Variants in ATM observed in about 807,000 individuals in gnomAD.
The protein encoded by ATM is serine-protein kinase ATM.
ATM carries 308 observed loss-of-function variants against 387.0 expected under a neutral mutation model. The ratio of observed to expected loss-of-function variants is 0.80; its 90% CI spans 0.73 to 0.87. ATM has a LOEUF of 0.87. ATM is among the 40% of genes least tolerant of loss of function. The pLI, the probability that ATM is intolerant of heterozygous loss-of-function variation, is 0.00. For synonymous variants in ATM, 1,156 were observed against 1,187.3 expected (o/e 0.97, Z 0.54); for missense variants, 3,312 against 3,560.9 (o/e 0.93, Z 1.78).
intron 5 of ATM, among the ~76,000 whole-genome samples, chr11:108,240,680 T>G (rs1018288202): frequency 8.1e-6 from 1 of 122,714 alleles, no homozygotes; most frequent in African/African-American, 3.2e-5. Flanking sequence ...GGATAAAACA[T>G]GGTACACCTG....
rs876660650 is a variant in ATM at position 108,325,349 on chromosome 11, G to A, written c.6612G>A (p.Lys2204=). 2 of 1,601,492 alleles carry A rather than the reference G, an allele frequency of 1.2e-6. No individual in the cohort carries two copies. The highest frequency in any genetic ancestry group is 1.1e-5 in the South Asian group (1 of 90,676). The part of the protein sequence containing the change: ...THRQLSEVYI[K]WQKHSQLLKD... ...GACAACTCTCTGAAGTATATATTAAGTGGCAGAAACACTCCCAGCTTCTCA... is the reference window on the plus strand; with the variant it reads ...GACAACTCTCTGAAGTATATATTAAATGGCAGAAACACTCCCAGCTTCTCA... Residue 2204 remains lysine, a synonymous_variant, in exon 46 of 63, where the codon AAG becomes AAA. Coordinates refer to ENST00000675843, the MANE Select transcript of ATM (RefSeq NM_000051.4).
At chr11:108,332,132 C>T (rs182757480) in intron 52 of ATM, 95 bp downstream of exon 52, 1 of 1,499,796 alleles carries the variant, frequency 6.7e-7, no homozygotes, top group Admixed American at 1.9e-5. Context: ...AAGATGCCAT[C>T]TAAAATCGGT....
intron 56 of ATM, among the ~76,000 whole-genome samples, chr11:108,338,822 G>A (rs1399389630): frequency 6.6e-6 from 1 of 152,196 alleles, no homozygotes; most frequent in African/African-American, 2.4e-5. Flanking sequence ...CCAAGAATGT[G>A]AAAGTTGTGT....
At chr11:108,292,409 A>G (rs928107297) in intron 29 of ATM, among the ~76,000 whole-genome samples, 1 of 152,150 alleles carries the variant, frequency 6.6e-6, no homozygotes, top group African/African-American at 2.4e-5. Context: ...CTGTTTTTCA[A>G]TGTTTCTATT....
At chr11:108,240,919 C>T (rs998591175) in intron 5 of ATM, among the ~76,000 whole-genome samples, 7 of 152,134 alleles carry the variant, frequency 4.6e-5, no homozygotes, top group African/African-American at 1.7e-4. Flanking sequence ...AACTTTTTGA[C>T]TCTTTTGTAA....
chr11:108,239,660 G>A (rs1289228666), intron 5 of ATM, among the ~76,000 whole-genome samples: 1 of 152,134 alleles, frequency 6.6e-6, no homozygotes, highest in African/African-American at 2.4e-5. Context: ...ATACCCAGAA[G>A]TAGAATTGCT....
chr11:108,243,978 C>G lies in ATM; in HGVS notation c.522C>G (p.Leu174=), dbSNP rs780173724. ...WLELFSVYFR[L]YLKPSQDVHR... is the part of the protein sequence containing the mutation. ...AATTGTTCTCTGTGTACTTCAGGCT[C>G]TATCTGAAACCTTCACAAGATGTTC... Residue 174 remains leucine (L), a synonymous_variant, in exon 6 of 63, where the codon CTC becomes CTG. Transcript: ENST00000675843. 5 of 1,601,486 alleles carry G rather than the reference C, an allele frequency of 3.1e-6. No homozygotes were observed. Among genetic ancestry groups the G allele is most frequent in the African/African-American group, 1.4e-5 (1 of 73,922 alleles).
rs1555135878 is a variant in ATM, at chr11:108,343,368, G to C, written c.8415G>C (p.Met2805Ile). 6.2e-7 allele frequency: 1 copy of C among 1,613,778 alleles called. No homozygotes were observed. Among genetic ancestry groups the C allele is most frequent in the Non-Finnish European group, 8.5e-7 (1 of 1,179,792 alleles). Reference sequence around the variant, plus strand: ...GTGCCTTTCAGTGCCAAAAGAAAATGATGGTGAGTGACACCCAAAATTAAA... The same window carrying C: ...GTGCCTTTCAGTGCCAAAAGAAAATCATGGTGAGTGACACCCAAAATTAAA... ...DFSAFQCQKK[M>I]MEVQKKSFEE... The change falls in exon 57 of 63, where the codon ATG (methionine) becomes ATC (isoleucine). Residue 2805 changes from methionine (M) to isoleucine (I), a missense_variant. Coordinates refer to ENST00000675843, the MANE Select transcript of ATM (RefSeq NM_000051.4).
intron 43 of ATM, among the ~76,000 whole-genome samples, chr11:108,319,402 A>C (rs544319384): frequency 6.6e-6 from 1 of 152,218 alleles, no homozygotes; most frequent in South Asian, 2.1e-4. Context: ...CAAGGGCCTT[A>C]GATGTATCTT....
At chr11:108,227,563 CA>C in intron 1 of ATM, 31 bp from the exon 2 acceptor site, 1 of 1,273,352 alleles carries the variant, frequency 7.9e-7, no homozygotes, top group East Asian at 2.3e-5. Context: ...TATACATATA[CA>C]TATATATACC....
At chr11:108,336,929 T>C (rs1439988153) in intron 56 of ATM, among the ~76,000 whole-genome samples, 1 of 152,232 alleles carries the variant, frequency 6.6e-6, no homozygotes, top group African/African-American at 2.4e-5. Context: ...TCTTTTGTGA[T>C]TTCATTCCTG....
intron 38 of ATM, chr11:108,308,942 GT>G (rs892462132): frequency 1.5e-4 from 206 of 1,384,444 alleles, no homozygotes; most frequent in Non-Finnish European, 1.9e-4. Flanking sequence ...TTGGGAGGCA[GT>G]TTTACCTTTG....
intron 9 of ATM, among the ~76,000 whole-genome samples, chr11:108,250,442 T>A (rs143508429): frequency 6.6e-6 from 1 of 152,098 alleles, no homozygotes; most frequent in African/African-American, 2.4e-5. Flanking sequence ...GCCCAAATAT[T>A]GCTAATTTAA....
chr11:108,329,306 A>C (rs891917120), intron 49 of ATM, 68 bp downstream of exon 49: 14 of 1,382,684 alleles, frequency 1.0e-5, no homozygotes, highest in African/African-American at 1.5e-5. Context: ...TTTGCATAGA[A>C]AGAGTGACTT....
intron 4 of ATM, among the ~76,000 whole-genome samples, chr11:108,231,922 A>G (rs1056296834): frequency 1.3e-5 from 2 of 152,188 alleles, no homozygotes; most frequent in African/African-American, 4.8e-5. Context: ...ACTACACCAA[A>G]ATATTCTGCA....
chr11:108,228,469 A>G (rs955526401), intron 3 of ATM, among the ~76,000 whole-genome samples: 3 of 152,248 alleles, frequency 2.0e-5, no homozygotes, highest in Non-Finnish European at 4.4e-5. Flanking sequence ...ATTAGGAAAG[A>G]TGAATAAAGT....
At chr11:108,350,368 T>C (rs1482468419) in intron 59 of ATM, among the ~76,000 whole-genome samples, 1 of 152,078 alleles carries the variant, frequency 6.6e-6, no homozygotes. Flanking sequence ...AAACTAGAAA[T>C]CTCAGTCAAA....
At chr11:108,254,144 C>T in intron 13 of ATM, 105 bp downstream of exon 13, 1 of 1,119,268 alleles carries the variant, frequency 8.9e-7, no homozygotes, top group Non-Finnish European at 1.3e-6. Context: ...TGGTGGGAGG[C>T]TTCATTTTAA....
At chr11:108,363,155 G>A (rs1285455194) in intron 61 of ATM, among the ~76,000 whole-genome samples, 1 of 152,092 alleles carries the variant, frequency 6.6e-6, no homozygotes, top group East Asian at 1.9e-4. Flanking sequence ...TCTGCCTTCA[G>A]CTTTAGGAGG....
Sources: allele counts gnomAD v4.1 joint callset (sites outside exome capture counted in the v4.1 genomes callset), GRCh38; gene constraint gnomAD v4.1.1; transcripts MANE v1.5; gene names NCBI Gene and HGNC (gene_info 2026-07-23, HGNC 2026-07-21).